Variants in SMAP1 observed in about 807,000 individuals in gnomAD.
SMAP1 encodes stromal membrane-associated protein 1.
A neutral mutation model predicts 58.5 loss-of-function variants in SMAP1; 24 were observed. That is an observed-to-expected ratio of 0.41 (90% CI 0.30 to 0.58). The LOEUF is 0.58. SMAP1 is among the 20% of genes least tolerant of loss of function. The pLI is 0.29. For missense variants in SMAP1, 563 were observed against 566.3 expected (o/e 0.99, Z 0.06); for synonymous variants, 216 against 196.6 (o/e 1.10, Z -0.82).
At chr6:70,702,022 C>G (rs1767649584) in intron 1 of SMAP1, among the ~76,000 whole-genome samples, 1 of 152,130 alleles carries the variant, frequency 6.6e-6, no homozygotes, top group Non-Finnish European at 1.5e-5. Context: ...ATTTTACTTT[C>G]AGTACTTTTA....
intron 6 of SMAP1, among the ~76,000 whole-genome samples, chr6:70,820,562 TG>T (rs1769842029): frequency 6.6e-6 from 1 of 152,014 alleles, no homozygotes; most frequent in Admixed American, 6.6e-5. Flanking sequence ...AAAAATTAGC[TG>T]GGTGTGGTAG....
chr6:70,729,161 T>C (rs1419043379), intron 1 of SMAP1, among the ~76,000 whole-genome samples: 1 of 152,182 alleles, frequency 6.6e-6, no homozygotes, highest in Non-Finnish European at 1.5e-5. Context: ...GGTGTGAGGC[T>C]GGGCGTGATG....
intron 1 of SMAP1, among the ~76,000 whole-genome samples, chr6:70,722,194 T>C (rs1178661970): frequency 7.2e-5 from 11 of 152,208 alleles, no homozygotes; most frequent in Non-Finnish European, 1.2e-4. Context: ...TGTAAAGAGG[T>C]TGCCTTCTGA....
chr6:70,857,830 T>C, intron 9 of SMAP1, 92 bp from the exon 10 acceptor site: 9 of 1,376,526 alleles, frequency 6.5e-6, no homozygotes, highest in Non-Finnish European at 9.0e-6. Flanking sequence ...TTGCTGTGAG[T>C]AGTTCAGAAA....
chr6:70,847,034 CTTTTAG>C (rs1771020088), intron 7 of SMAP1, among the ~76,000 whole-genome samples: 1 of 152,010 alleles, frequency 6.6e-6, no homozygotes, highest in African/African-American at 2.4e-5. Context: ...TTCTTATTTC[CTTTTAG>C]TTTTAGTTTA....
chr6:70,840,875 T>C (rs1770775376), intron 7 of SMAP1, among the ~76,000 whole-genome samples: 1 of 152,222 alleles, frequency 6.6e-6, no homozygotes, highest in Non-Finnish European at 1.5e-5. Flanking sequence ...AGACATATCC[T>C]GACTTGAGTA....
intron 1 of SMAP1, among the ~76,000 whole-genome samples, chr6:70,679,528 T>C (rs1447779433): frequency 6.6e-6 from 1 of 152,230 alleles, no homozygotes; most frequent in African/African-American, 2.4e-5. Flanking sequence ...TAATTGAGTT[T>C]ATTAAGTTTA....
rs138981659 is a variant in SMAP1 at position 70,741,744 on chromosome 6, G to A, written c.252+9233G>A. ...ATTTCCTTTCCATGCTGCCCTAGCA[G>A]AGGTTCTCCATGAGGGCCCCACCCC... On this transcript the variant is annotated intron_variant, in intron 2 of 10. Coordinates refer to ENST00000370455, the MANE Select transcript of SMAP1 (RefSeq NM_001044305.3). Among the ~76,000 whole-genome samples, 601 of 152,350 alleles carry A rather than the reference G, an allele frequency of 3.9e-3. 3 individuals are homozygous for A. Among genetic ancestry groups the A allele is most frequent in the African/African-American group, 0.014 (584 of 41,584 alleles).
intron 1 of SMAP1, among the ~76,000 whole-genome samples, chr6:70,705,537 C>T (rs757022359): frequency 6.6e-6 from 1 of 152,152 alleles, no homozygotes; most frequent in African/African-American, 2.4e-5. Flanking sequence ...AGGTATGAGC[C>T]GCCACGCTGG....
At chr6:70,757,694 C>T (rs2149892727) in intron 3 of SMAP1, among the ~76,000 whole-genome samples, 1 of 152,160 alleles carries the variant, frequency 6.6e-6, no homozygotes, top group East Asian at 1.9e-4. Flanking sequence ...ACAACCCCAT[C>T]AAAAAGTGGG....
chr6:70,732,607 GT>G, intron 2 of SMAP1, 96 bp downstream of exon 2: 2 of 1,109,198 alleles, frequency 1.8e-6, no homozygotes, highest in Non-Finnish European at 2.4e-6. Context: ...TTGAAAAGTA[GT>G]TTTGTATGTT....
Position 70,852,688 on chromosome 6 carries a change from A to G in SMAP1, c.789+24A>G, listed in dbSNP as rs947538299. On this transcript the variant is annotated intron_variant, in intron 8 of 10. Transcript: ENST00000370455. ...AGGTATGTGATAAGAATATGGTTTT[A>G]TATGGTCACTGCTTATTTCCTTTTT... 3.3e-6 allele frequency: 5 copies of G among 1,535,214 alleles called. No individual in the cohort carries two copies. In the East Asian group the frequency reaches 7.2e-5, roughly 22 times the overall value.
chr6:70,855,769 G>C (rs1771391389), intron 8 of SMAP1, among the ~76,000 whole-genome samples: 1 of 152,168 alleles, frequency 6.6e-6, no homozygotes, highest in African/African-American at 2.4e-5. Context: ...CATGCTCTTA[G>C]CTCTATGATC....
chr6:70,847,582 TTC>T (rs1771040277), intron 7 of SMAP1, among the ~76,000 whole-genome samples: 1 of 152,222 alleles, frequency 6.6e-6, no homozygotes, highest in South Asian at 2.1e-4. Context: ...TCCTAATTTC[TTC>T]TGTTTGCTCA....
At chr6:70,856,451 A>G (rs1318643440) in intron 8 of SMAP1, among the ~76,000 whole-genome samples, 1 of 152,162 alleles carries the variant, frequency 6.6e-6, no homozygotes, top group African/African-American at 2.4e-5. Flanking sequence ...GCCATTGCAA[A>G]TCCTCTTACA....
intron 6 of SMAP1, among the ~76,000 whole-genome samples, chr6:70,836,502 TATGAA>T (rs1770592347): frequency 6.6e-6 from 1 of 152,184 alleles, no homozygotes; most frequent in Non-Finnish European, 1.5e-5. Context: ...TAGGAAATAA[TATGAA>T]ATGCATTTCT....
At chr6:70,712,769 TTTC>T (rs1768105029) in intron 1 of SMAP1, among the ~76,000 whole-genome samples, 1 of 151,518 alleles carries the variant, frequency 6.6e-6, no homozygotes, top group African/African-American at 2.4e-5. Context: ...TTGCTTTTCT[TTTC>T]TTTTCTTTTT....
intron 1 of SMAP1, among the ~76,000 whole-genome samples, chr6:70,699,601 C>T (rs1015015394): frequency 1.3e-5 from 2 of 151,818 alleles, no homozygotes; most frequent in African/African-American, 2.4e-5. Flanking sequence ...GCTGAGTTGG[C>T]ATCCAAGCTG....
At chr6:70,859,417 G>A (rs1771598263) in intron 10 of SMAP1, 2 of 1,537,256 alleles carry the variant, frequency 1.3e-6, no homozygotes, top group Non-Finnish European at 1.8e-6. Flanking sequence ...CCTTTAGTAG[G>A]TATGAAGACG....
Sources: allele counts gnomAD v4.1 joint callset (sites outside exome capture counted in the v4.1 genomes callset), GRCh38; gene constraint gnomAD v4.1.1; transcripts MANE v1.5; gene names NCBI Gene and HGNC (gene_info 2026-07-23, HGNC 2026-07-21).